NTMT2: variants seen among roughly 807,000 people sequenced by gnomAD.
NTMT2 encodes N-terminal Xaa-Pro-Lys N-methyltransferase 2.
Under a neutral mutation model 23.4 loss-of-function variants are expected in NTMT2, and 21 were observed. The observed-to-expected ratio is 0.90, with a 90% CI of 0.64 to 1.29. The LOEUF (loss-of-function observed/expected upper bound fraction) is 1.29. Among genes scored for constraint, NTMT2 ranks in the 50% most tolerant of loss-of-function variants. The pLI, the probability that NTMT2 is intolerant of heterozygous loss-of-function variation, is 0.00. For missense variants in NTMT2, 336 were observed against 352.0 expected (o/e 0.95, Z 0.36); for synonymous variants, 131 against 127.7 (o/e 1.03, Z -0.17).
rs201610598 is a variant in NTMT2, at chr1:170,166,055, ACATTT to A, written c.331-438_331-434del. Among the ~76,000 whole-genome samples, 1,090 of 151,878 alleles carry A rather than the reference ACATTT, an allele frequency of 7.2e-3. 10 individuals carry two copies. Among genetic ancestry groups the A allele is most frequent in the African/African-American group, 0.025 (1,033 of 41,440 alleles). Reference sequence around the variant, plus strand: ...CATCAAATTGTACACAAGAAATGGTACATTTCATTTCATAAAATTTACCTAATAAA... The same window carrying A: ...CATCAAATTGTACACAAGAAATGGTACATTTCATAAAATTTACCTAATAAA... On this transcript the variant is annotated intron_variant, in intron 2 of 3. Coordinates refer to ENST00000439373, the MANE Select transcript of NTMT2 (RefSeq NM_001136107.2).
At chr1:170,158,353 G>A (rs560881077) in intron 1 of NTMT2, among the ~76,000 whole-genome samples, 3 of 152,058 alleles carry the variant, frequency 2.0e-5, no homozygotes, top group Non-Finnish European at 2.9e-5. Flanking sequence ...CCTGGAATGT[G>A]CAATATTTCA....
chr1:170,149,550 G>A (rs10919307), intron 1 of NTMT2, among the ~76,000 whole-genome samples: 50,384 of 151,942 alleles, frequency 0.33, 9,116 homozygotes, highest in African/African-American at 0.46. Flanking sequence ...CATGGTTCCC[G>A]GCACATAGGA....
At chr1:170,159,609 C>G (rs1006222659) in intron 1 of NTMT2, among the ~76,000 whole-genome samples, 1 of 152,030 alleles carries the variant, frequency 6.6e-6, no homozygotes, top group Admixed American at 6.5e-5. Flanking sequence ...GATACCCTCT[C>G]ATTTTCCTCA....
At chr1:170,166,922 C>T (rs963671238) in intron 3 of NTMT2, among the ~76,000 whole-genome samples, 171 bp downstream of exon 3, 1 of 152,282 alleles carries the variant, frequency 6.6e-6, no homozygotes, top group African/African-American at 2.4e-5. Flanking sequence ...AGATTTCTCC[C>T]TTGACATTTT....
At position 170,153,152 on chromosome 1, in the gene NTMT2, T is replaced by C. The variant is rs1440236456; in HGVS notation, c.154+6891T>C. Among the ~76,000 whole-genome samples, 4 of 152,376 alleles carry C rather than the reference T, an allele frequency of 2.6e-5. No homozygotes were observed. The East Asian group carries it at 7.7e-4, about 29-fold the overall frequency. ...AGCTGAGCAGATGCCAGTGCCATGC[T>C]TCTTTTACAGCGTACAGAACTATTA... On this transcript the variant is annotated intron_variant, in intron 1 of 3. Coordinates refer to ENST00000439373, the MANE Select transcript of NTMT2 (RefSeq NM_001136107.2).
At chr1:170,161,226 G>C (rs1673267645) in intron 2 of NTMT2, among the ~76,000 whole-genome samples, 1 of 151,804 alleles carries the variant, frequency 6.6e-6, no homozygotes, top group Admixed American at 6.6e-5. Context: ...GTGAACCTGG[G>C]AGGCAGAGCT....
At chr1:170,150,512 T>C (rs1011793270) in intron 1 of NTMT2, among the ~76,000 whole-genome samples, 2 of 152,216 alleles carry the variant, frequency 1.3e-5, no homozygotes, top group Non-Finnish European at 2.9e-5. Flanking sequence ...CCAAAGATCT[T>C]GTGGTGGTGA....
chr1:170,159,420 G>GTTTTTTTTTTTTTTTTTTTTTTTTTT (rs1673225599), intron 1 of NTMT2, among the ~76,000 whole-genome samples: 5 of 88,196 alleles, frequency 5.7e-5, no homozygotes, highest in South Asian at 4.8e-4. Context: ...TTTATGCTCT[G>GTTTTTTTTTTTTTTTTTTTTTTTTTT]GTTTTTTTTT....
chr1:170,165,431 A>G (rs1379080904), intron 2 of NTMT2, among the ~76,000 whole-genome samples: 1 of 152,184 alleles, frequency 6.6e-6, no homozygotes, highest in Non-Finnish European at 1.5e-5. Flanking sequence ...AACAATGTTT[A>G]GCATTAAAAG....
At chr1:170,146,687 TTATG>T (rs1672970343) in intron 1 of NTMT2, among the ~76,000 whole-genome samples, 2 of 152,096 alleles carry the variant, frequency 1.3e-5, no homozygotes, top group South Asian at 4.1e-4. Context: ...TGTGCTTGGG[TTATG>T]TATGTATGTT....
chr1:170,167,586 G>A lies in NTMT2; in HGVS notation c.681G>A (p.Glu227=). 1.3e-6 allele frequency: 2 copies of A among 1,551,718 alleles called. No homozygotes were observed. The highest frequency in any genetic ancestry group is 8.7e-7 in the Non-Finnish European group (1 of 1,147,002). ...IIILKDNVAR[E]GCILDLSDSS... is the part of the protein sequence containing the mutation. ...TATTGAAGGACAATGTGGCCCGGGA[G>A]GGCTGTATCCTTGATCTCTCTGACA... is the stretch of plus-strand genomic sequence containing the variant. Residue 227 remains glutamate (E), a synonymous_variant, in exon 4 of 4, where the codon GAG becomes GAA. Transcript: ENST00000439373.
At chr1:170,155,614 G>T (rs907674687) in intron 1 of NTMT2, among the ~76,000 whole-genome samples, 3 of 151,590 alleles carry the variant, frequency 2.0e-5, no homozygotes, top group African/African-American at 7.3e-5. Flanking sequence ...TAGCTTACTT[G>T]TCTTCTGAAG....
chr1:170,167,375 T>C, intron 3 of NTMT2, 111 bp from the exon 4 acceptor site: 1 of 985,694 alleles, frequency 1.0e-6, no homozygotes. Flanking sequence ...TATTAAATCA[T>C]GAATGAGTGA....
chr1:170,156,235 A>G (rs1673162626), intron 1 of NTMT2, among the ~76,000 whole-genome samples: 1 of 152,166 alleles, frequency 6.6e-6, no homozygotes, highest in South Asian at 2.1e-4. Flanking sequence ...TTCTTTGGAC[A>G]TGCAGCCATA....
At chr1:170,151,808 A>T (rs763969376) in intron 1 of NTMT2, among the ~76,000 whole-genome samples, 2 of 152,168 alleles carry the variant, frequency 1.3e-5, no homozygotes, top group Non-Finnish European at 2.9e-5. Context: ...AATTTAGTTA[A>T]TCTCTTAATG....
chr1:170,150,622 C>A (rs1032078063), intron 1 of NTMT2, among the ~76,000 whole-genome samples: 1 of 151,956 alleles, frequency 6.6e-6, no homozygotes, highest in African/African-American at 2.4e-5. Flanking sequence ...ATGTGGGCAG[C>A]AATATAAGTT....
intron 2 of NTMT2, among the ~76,000 whole-genome samples, 164 bp from the exon 3 acceptor site, chr1:170,166,338 T>C (rs1571828294): frequency 1.3e-5 from 2 of 148,810 alleles, no homozygotes; most frequent in East Asian, 4.0e-4. Context: ...AGACGGGGTT[T>C]CACCGTGTTA....
chr1:170,164,220 TCA>T (rs1255264317), intron 2 of NTMT2, among the ~76,000 whole-genome samples: 1 of 151,166 alleles, frequency 6.6e-6, no homozygotes, highest in Non-Finnish European at 1.5e-5. Context: ...TTTAATAAAA[TCA>T]CAGTTTCAGG....
rs536822961 is a variant in NTMT2 at position 170,152,747 on chromosome 1, G to A, written c.154+6486G>A. ...CCATTGTTGATGAAAAATATAATGA[G>A]GAGGGTAACATTTATTGAGCTTCTA... On this transcript the variant is annotated intron_variant, in intron 1 of 3. Coordinates refer to ENST00000439373, the MANE Select transcript of NTMT2 (RefSeq NM_001136107.2). Among the ~76,000 whole-genome samples, 7 of 152,182 alleles carry A rather than the reference G, an allele frequency of 4.6e-5. No homozygotes were observed. The South Asian group carries it at 1.5e-3, about 32-fold the overall frequency.
Sources: allele counts gnomAD v4.1 joint callset (sites outside exome capture counted in the v4.1 genomes callset), GRCh38; gene constraint gnomAD v4.1.1; transcripts MANE v1.5; gene names NCBI Gene and HGNC (gene_info 2026-07-23, HGNC 2026-07-21).